APLF: variants seen among roughly 807,000 people sequenced by gnomAD.
APLF encodes aprataxin and PNK-like factor.
Under a neutral mutation model 55.6 loss-of-function variants are expected in APLF, and 61 were observed. The ratio of observed to expected loss-of-function variants is 1.10; its 90% CI spans 0.89 to 1.36. The LOEUF (loss-of-function observed/expected upper bound fraction) is 1.36. Ranked by LOEUF, APLF falls within the 40% of genes most tolerant of loss-of-function variation. APLF has a pLI of 0.00. For missense variants in APLF, 611 were observed against 602.5 expected (o/e 1.01, Z -0.15); for synonymous variants, 207 against 214.8 (o/e 0.96, Z 0.32).
intron 2 of APLF, among the ~76,000 whole-genome samples, chr2:68,491,032 C>G (rs1039924761): frequency 1.3e-5 from 2 of 152,122 alleles, no homozygotes; most frequent in African/African-American, 4.8e-5. Context: ...ATAGTACTTG[C>G]TTTTATTATC....
In APLF at chr2:68,529,351, G is replaced by A. The variant is rs1670177270; in HGVS notation, c.804+3109G>A. ...GGGCAGGCACAGGTGCAGGAGCCGC[G>A]GGGTGAGCCCGGCCAGCTGGGAAGG... On this transcript the variant is annotated intron_variant, in intron 6 of 9. Transcript: ENST00000303795. This position sits in a 1 kb window ranked among gnomAD's most constrained non-coding sequence, Gnocchi z 4.4. 1.4e-5 allele frequency: 19 copies of A among 1,318,060 alleles called. No homozygotes were observed. Among genetic ancestry groups the A allele is most frequent in the South Asian group, 6.6e-5 (3 of 45,564 alleles). The allele number at this position is 1,318,060 out of a possible 1,614,324, so 81.6% of individuals were successfully genotyped here.
At chr2:68,515,823 A>G (rs546641628) in intron 5 of APLF, 1 of 812,612 alleles carries the variant, frequency 1.2e-6, no homozygotes, top group African/African-American at 1.9e-5. Context: ...ACAGTTTAGT[A>G]CTTTAGAACA....
intron 1 of APLF, among the ~76,000 whole-genome samples, chr2:68,468,487 AT>A (rs1380676461): frequency 3.3e-5 from 5 of 152,178 alleles, no homozygotes; most frequent in Non-Finnish European, 7.3e-5. Context: ...TCAGTTAGCT[AT>A]TTTTATTATC....
intron 2 of APLF, among the ~76,000 whole-genome samples, chr2:68,492,427 G>T: frequency 6.6e-6 from 1 of 152,122 alleles, no homozygotes; most frequent in East Asian, 1.9e-4. Context: ...GCAGTGAGCC[G>T]AGATTGTGCC....
rs978144054 is a variant in APLF, at chr2:68,495,751, C to A, written c.168+5490C>A. On this transcript the variant is annotated intron_variant, in intron 2 of 9. Coordinates refer to ENST00000303795, the MANE Select transcript of APLF (RefSeq NM_173545.3). ...GGATACCCAGGCTTTTCCATGCATC[C>A]TCTGAAATCTAGGTGGAGGCTGCCA... 2.6e-5 allele frequency among the ~76,000 whole-genome samples: 4 copies of A among 152,244 alleles called. 1 individual carries two copies. Among genetic ancestry groups the A allele is most frequent in the African/African-American group, 9.6e-5 (4 of 41,462 alleles).
intron 1 of APLF, among the ~76,000 whole-genome samples, chr2:68,472,689 G>C (rs1675657396): frequency 6.6e-6 from 1 of 152,096 alleles, no homozygotes; most frequent in African/African-American, 2.4e-5. Flanking sequence ...AATTTTGGTA[G>C]GTGGAGTGGG....
At chr2:68,476,173 T>C (rs900172722) in intron 1 of APLF, among the ~76,000 whole-genome samples, 9 of 152,070 alleles carry the variant, frequency 5.9e-5, no homozygotes, top group Non-Finnish European at 4.4e-5. Flanking sequence ...TATTATGCTC[T>C]TTCCCAATTT....
At chr2:68,472,764 G>A (rs1266867519) in intron 1 of APLF, among the ~76,000 whole-genome samples, 1 of 152,144 alleles carries the variant, frequency 6.6e-6, no homozygotes, top group Non-Finnish European at 1.5e-5. Context: ...AATTGGGTAG[G>A]TGTTGACCAG....
chr2:68,475,390 CA>C (rs1453327690), intron 1 of APLF, among the ~76,000 whole-genome samples: 4 of 152,132 alleles, frequency 2.6e-5, no homozygotes, highest in African/African-American at 9.7e-5. Flanking sequence ...GCTCAAAAAG[CA>C]TTGGATTTGC....
intron 9 of APLF, among the ~76,000 whole-genome samples, chr2:68,569,973 A>G (rs1671407357): frequency 6.6e-6 from 1 of 152,102 alleles, no homozygotes; most frequent in East Asian, 1.9e-4. Flanking sequence ...AACATATATA[A>G]CAAGATAATA....
chr2:68,518,394 A>G (rs1439700631), intron 5 of APLF, among the ~76,000 whole-genome samples: 1 of 100,156 alleles, frequency 1.0e-5, no homozygotes, highest in Non-Finnish European at 1.7e-5. Flanking sequence ...TATTATTAAT[A>G]TATAACAATA....
chr2:68,519,599 C>A (rs991894852), intron 5 of APLF, among the ~76,000 whole-genome samples: 1 of 149,476 alleles, frequency 6.7e-6, no homozygotes, highest in African/African-American at 2.4e-5. Flanking sequence ...CATTTCCTTC[C>A]TGCAAATTGA....
At chr2:68,577,680 G>C in intron 9 of APLF, 140 bp from the exon 10 acceptor site, 1 of 1,006,400 alleles carries the variant, frequency 9.9e-7, no homozygotes, top group South Asian at 2.2e-5. Context: ...TTTTAGTGCC[G>C]TTTCCAGAAA....
chr2:68,517,347 T>C (rs1669638220), intron 5 of APLF, among the ~76,000 whole-genome samples: 1 of 125,450 alleles, frequency 8.0e-6, no homozygotes, highest in African/African-American at 3.0e-5. Context: ...AATATATTAA[T>C]ATATCATTAC....
At chr2:68,470,927 A>G (rs1675597641) in intron 1 of APLF, among the ~76,000 whole-genome samples, 1 of 152,246 alleles carries the variant, frequency 6.6e-6, no homozygotes, top group Non-Finnish European at 1.5e-5. Flanking sequence ...AAGTTTACAC[A>G]AAGTAACCAT....
chr2:68,547,464 C>T (rs1258163718), intron 8 of APLF, among the ~76,000 whole-genome samples: 4 of 151,666 alleles, frequency 2.6e-5, no homozygotes, highest in African/African-American at 9.7e-5. Flanking sequence ...ATGTGTTATA[C>T]TTTATAGTTA....
intron 1 of APLF, among the ~76,000 whole-genome samples, chr2:68,489,619 G>A (rs771793950): frequency 1.3e-5 from 2 of 152,302 alleles, no homozygotes; most frequent in African/African-American, 4.8e-5. Flanking sequence ...TACTGAAAAT[G>A]TTTGGTTTTC....
chr2:68,476,186 C>T (rs1254128609), intron 1 of APLF, among the ~76,000 whole-genome samples: 1 of 151,726 alleles, frequency 6.6e-6, no homozygotes, highest in Non-Finnish European at 1.5e-5. Context: ...CCCAATTTTG[C>T]AAGATTATAT....
intron 5 of APLF, 27 bp from the exon 6 acceptor site, chr2:68,526,034 T>G: frequency 6.4e-7 from 1 of 1,566,590 alleles, no homozygotes; most frequent in South Asian, 1.2e-5. Flanking sequence ...AGAAGATAAT[T>G]TTCTTCTTTT....
Sources: gnomAD v4.1 joint callset for allele counts (sites outside exome capture counted in the v4.1 genomes callset) on GRCh38, gnomAD v4.1.1 for gene constraint, Gnocchi (gnomAD v3.1) non-coding constraint, MANE v1.5 for transcripts, NCBI Gene and HGNC (gene_info 2026-07-23, HGNC 2026-07-21) for gene names.